The following NMNAT3 variants were observed in gnomAD, a reference collection of about 807,000 sequenced individuals.
NMNAT3 encodes the protein nicotinamide/nicotinic acid mononucleotide adenylyltransferase 3.
A neutral mutation model predicts 24.8 loss-of-function variants in NMNAT3; 21 were observed. The observed-to-expected ratio is 0.85, with a 90% confidence interval of 0.60 to 1.22. NMNAT3 has a LOEUF of 1.22. Ranked by LOEUF, NMNAT3 falls within the 50% of genes most tolerant of loss-of-function variation. The pLI is 0.00. For synonymous variants in NMNAT3, 136 were observed against 155.2 expected, an observed-to-expected ratio of 0.88 and a Z score of 0.92; for missense variants, 387 against 436.6, an observed-to-expected ratio of 0.89 and a Z score of 1.01.
intron 6 of NMNAT3, among the ~76,000 whole-genome samples, chr3:139,563,955 A>G (rs1936805670): frequency 6.6e-6 from 1 of 152,174 alleles, no homozygotes; most frequent in Admixed American, 6.6e-5. Flanking sequence ...GGGCTTTGAA[A>G]GGTAGATAAA....
chr3:139,642,991 G>T lies in NMNAT3; in HGVS notation c.-140-4929C>A, dbSNP rs553370858. Among the ~76,000 whole-genome samples, 17 of 152,186 alleles carry T rather than the reference G, an allele frequency of 1.1e-4. No individual in the cohort carries two copies. In the East Asian group the frequency reaches 2.9e-3, roughly 26 times the overall value. On this transcript the variant is annotated intron_variant, in intron 1 of 6. Coordinates refer to ENST00000643695, the MANE Select transcript of NMNAT3 (RefSeq NM_001320510.2). ...CCCCCCAACACTCAGCCTATATAAG[G>T]CTGTCCATAAAAGGTCTTCTTTACT...
chr3:139,560,234 C>G lies in NMNAT3; in HGVS notation c.*776G>C, dbSNP rs1459403130. On this transcript the variant is annotated 3_prime_UTR_variant, in exon 7 of 7. Coordinates refer to ENST00000643695, the MANE Select transcript of NMNAT3 (RefSeq NM_001320510.2). ...TATTATTTATCCCTTTGCCAGTATT[C>G]AAACAGACAGGCAGTCATAAAACAT... The G allele has an allele frequency of 2.0e-5, 3 of 152,586 alleles. No homozygotes were observed. Among genetic ancestry groups the G allele is most frequent in the African/African-American group, 7.2e-5 (3 of 41,440 alleles). The allele number at this position is 152,586 out of a possible 1,614,324, so 9.5% of individuals were successfully genotyped here.
rs562047309 is a variant in NMNAT3, at chr3:139,593,068, G to C, written c.110-9860C>G. The stretch of plus-strand genomic sequence containing the variant: ...AGACCCATCAATGTGCTGTATTCAG[G>C]AAACCCATCTCATGTGCAGAGACAC... On this transcript the variant is annotated intron_variant, in intron 3 of 6. Transcript: ENST00000643695. Among the ~76,000 whole-genome samples the C allele has an allele frequency of 1.2e-4, 18 of 152,224 alleles. No homozygotes were observed. In the South Asian group the frequency reaches 2.9e-3, roughly 25 times the overall value.
Position 139,560,222 on chromosome 3 carries a change from T to G in NMNAT3, c.*788A>C, listed in dbSNP as rs1936221803. 1 of 152,638 alleles carries G rather than the reference T, an allele frequency of 6.6e-6. No homozygotes were observed. Among genetic ancestry groups the G allele is most frequent in the South Asian group, 2.1e-4 (1 of 4,830 alleles). 9.5% of individuals were successfully genotyped at this position (152,638 alleles called of 1,614,324 possible). A position where few individuals can be genotyped will look rare whatever the true frequency, so the allele number is the denominator to read the frequency against. ...TTGATGTCAATTTATTATTTATCCC[T>G]TTGCCAGTATTCAAACAGACAGGCA... On this transcript the variant is annotated 3_prime_UTR_variant, in exon 7 of 7. Transcript: ENST00000643695.
chr3:139,599,060 T>C (rs1010680773), intron 3 of NMNAT3: 14 of 462,110 alleles, frequency 3.0e-5, no homozygotes, highest in Non-Finnish European at 4.9e-5. Context: ...ATGTTATTGC[T>C]GCTTAAAATG....
intron 6 of NMNAT3, chr3:139,566,763 T>C (rs949609979): frequency 2.0e-4 from 30 of 152,380 alleles, no homozygotes; most frequent in African/African-American, 7.2e-4. Context: ...TTGGTTACTG[T>C]AGCCTTGTAG....
At chr3:139,599,347 C>G (rs1559893980) in intron 3 of NMNAT3, 8 of 702,336 alleles carry the variant, frequency 1.1e-5, no homozygotes, top group Non-Finnish European at 1.8e-5. Flanking sequence ...CTTGGTGTTT[C>G]TGTGGGCACA....
rs57395092 is a variant in NMNAT3, at chr3:139,582,935, C to T, written c.383G>A (p.Arg128Gln). 3.3e-4 allele frequency: 490 copies of T among 1,473,798 alleles called. 2 individuals are homozygous for T. The African/African-American group carries it at 5.9e-3, about 18-fold the overall frequency. 91.3% of individuals were successfully genotyped at this position (1,473,798 alleles called of 1,614,324 possible). The change falls in exon 4 of 7, where the codon CGA (arginine) becomes CAA (glutamine). Residue 128 changes from arginine to glutamine, a missense_variant. Coordinates refer to ENST00000643695, the MANE Select transcript of NMNAT3 (RefSeq NM_001320510.2). ...ATATATATATTTTTTACCTTGAAGT[C>T]GCTCATCAGTGAATATTTTGTTTGT... is the stretch of plus-strand genomic sequence containing the variant.
chr3:139,560,808 C>G lies in NMNAT3; in HGVS notation c.*202G>C, dbSNP rs1301584769. The G allele has an allele frequency of 1.7e-6, 1 of 576,380 alleles. No homozygotes were observed. Among genetic ancestry groups the G allele is most frequent in the Non-Finnish European group, 3.0e-6 (1 of 328,328 alleles). 35.7% of individuals were successfully genotyped at this position (576,380 alleles called of 1,614,324 possible). ...CCATTTTAACTTCTTTGATAAATGTCTATCCTTGTGATTTAGACCTTTCCT... is the reference window on the plus strand; with the variant it reads ...CCATTTTAACTTCTTTGATAAATGTGTATCCTTGTGATTTAGACCTTTCCT... On this transcript the variant is annotated 3_prime_UTR_variant, in exon 7 of 7. Coordinates refer to ENST00000643695, the MANE Select transcript of NMNAT3 (RefSeq NM_001320510.2).
intron 1 of NMNAT3, among the ~76,000 whole-genome samples, chr3:139,653,964 C>A (rs1379211818): frequency 2.6e-5 from 4 of 152,090 alleles, no homozygotes; most frequent in Non-Finnish European, 4.4e-5. Flanking sequence ...CAAATAGTGC[C>A]CTCTGACCAG....
chr3:139,566,584 T>A (rs1377352022), intron 6 of NMNAT3: 2 of 152,146 alleles, frequency 1.3e-5, no homozygotes, highest in African/African-American at 2.4e-5. Context: ...TACATATGGC[T>A]AGCCAGTTTT....
At chr3:139,662,065 A>G (rs968151784) in intron 1 of NMNAT3, among the ~76,000 whole-genome samples, 9 of 152,162 alleles carry the variant, frequency 5.9e-5, no homozygotes, top group African/African-American at 1.4e-4. Context: ...GGGCTCCATC[A>G]TTCCCACAAG....
chr3:139,583,629 A>G, intron 3 of NMNAT3: 1 of 970,410 alleles, frequency 1.0e-6, no homozygotes, highest in South Asian at 1.3e-5. Context: ...GCTATTTCTA[A>G]AACACATATC....
At chr3:139,578,704 G>A (rs1053718395) in intron 5 of NMNAT3, among the ~76,000 whole-genome samples, 168 bp downstream of exon 5, 1 of 150,460 alleles carries the variant, frequency 6.6e-6, no homozygotes, top group Admixed American at 6.6e-5. Flanking sequence ...CTCTGAGAAT[G>A]TGAATCTGTT....
chr3:139,572,096 C>G, intron 6 of NMNAT3: 1 of 398,978 alleles, frequency 2.5e-6, no homozygotes, highest in Non-Finnish European at 4.4e-6. Flanking sequence ...CTAATTCATG[C>G]CTGGACTCAC....
rs902117023 is a variant in NMNAT3 at position 139,573,685 on chromosome 3, G to A, written c.576-5C>T. ...AGCAGTTTGCTGTGATGATGCCTGT[G>A]TTGTAAACATATGGGCTCAGGGTAT... On this transcript the variant is annotated splice_region_variant and splice_polypyrimidine_tract_variant and intron_variant, in intron 5 of 6. Coordinates refer to ENST00000643695, the MANE Select transcript of NMNAT3 (RefSeq NM_001320510.2). The A allele has an allele frequency of 1.3e-6, 2 of 1,568,060 alleles. No individual in the cohort carries two copies. Among genetic ancestry groups the A allele is most frequent in the Non-Finnish European group, 1.7e-6 (2 of 1,153,034 alleles).
intron 5 of NMNAT3, among the ~76,000 whole-genome samples, chr3:139,573,931 T>G (rs955985361): frequency 2.6e-5 from 4 of 152,134 alleles, no homozygotes; most frequent in Admixed American, 6.5e-5. Context: ...GCAGGGAAAT[T>G]AGTACATTTC....
intron 2 of NMNAT3, chr3:139,637,023 A>C (rs1305943963): frequency 6.6e-6 from 1 of 152,160 alleles, no homozygotes; most frequent in Non-Finnish European, 1.5e-5. Flanking sequence ...GACCCTGCTT[A>C]TGGGCCCCTA....
chr3:139,618,152 C>A lies in NMNAT3; in HGVS notation c.109+9464G>T, dbSNP rs931335637. 2.0e-5 allele frequency among the ~76,000 whole-genome samples: 3 copies of A among 152,250 alleles called. 1 individual carries two copies. Among genetic ancestry groups the A allele is most frequent in the Middle Eastern group, 3.4e-3 (1 of 294 alleles). ...ATCCACAGATAACACACAATTGTAC[C>A]AGCCTATATCTAATTCCCAAACATT... On this transcript the variant is annotated intron_variant, in intron 3 of 6. Coordinates refer to ENST00000643695, the MANE Select transcript of NMNAT3 (RefSeq NM_001320510.2).
Sources: allele counts gnomAD v4.1 joint callset (sites outside exome capture counted in the v4.1 genomes callset), GRCh38; gene constraint gnomAD v4.1.1; transcripts MANE v1.5; gene names NCBI Gene and HGNC (gene_info 2026-07-23, HGNC 2026-07-21).